Variants in ATP8A2 observed in about 807,000 individuals in gnomAD.
The protein encoded by ATP8A2 is ATPase phospholipid transporting 8A2, also known as phospholipid-transporting ATPase IB.
A neutral mutation model predicts 165.6 loss-of-function variants in ATP8A2; 100 were observed. That is an observed-to-expected ratio of 0.60 (90% CI 0.51 to 0.71). The LOEUF is 0.71. Ranked by LOEUF, ATP8A2 falls within the 30% of genes least tolerant of loss-of-function variation. ATP8A2 has a pLI of 0.00. For missense variants in ATP8A2, 1,227 were observed against 1,479.5 expected (o/e 0.83, Z 2.80); for synonymous variants, 543 against 548.8 (o/e 0.99, Z 0.15).
intron 30 of ATP8A2, among the ~76,000 whole-genome samples, chr13:25,842,587 G>A (rs1218709640): frequency 1.3e-5 from 2 of 151,938 alleles, no homozygotes; most frequent in Non-Finnish European, 1.5e-5. Flanking sequence ...CAGCAGAATC[G>A]CTTGAACCCG....
At chr13:26,003,964 C>T (rs1365636742) in intron 35 of ATP8A2, among the ~76,000 whole-genome samples, 2 of 152,098 alleles carry the variant, frequency 1.3e-5, no homozygotes, top group East Asian at 1.9e-4. Context: ...TGCCTTCAGC[C>T]TTTTTCTTAG....
chr13:25,780,367 C>T (rs2044846438), intron 27 of ATP8A2, among the ~76,000 whole-genome samples: 1 of 151,888 alleles, frequency 6.6e-6, no homozygotes, highest in Non-Finnish European at 1.5e-5. Flanking sequence ...GCAACACATA[C>T]AAGAAATTTT....
intron 13 of ATP8A2, among the ~76,000 whole-genome samples, chr13:25,558,505 A>G (rs2138099377): frequency 1.3e-5 from 2 of 152,294 alleles, no homozygotes; most frequent in South Asian, 4.1e-4. Context: ...CCTCTTCTAT[A>G]CAACAGTAAA....
At position 26,024,055 on chromosome 13, in the gene ATP8A2, TC is replaced by T. The variant is rs1367439990; in HGVS notation, c.*4073del. 2.0e-5 allele frequency: 3 copies of T among 152,128 alleles called. No individual in the cohort carries two copies. The highest frequency in any genetic ancestry group is 7.2e-5 in the African/African-American group (3 of 41,434). The allele number at this position is 152,128 out of a possible 1,614,324, so 9.4% of individuals were successfully genotyped here. On this transcript the variant is annotated 3_prime_UTR_variant, in exon 37 of 37. Coordinates refer to ENST00000381655, the MANE Select transcript of ATP8A2 (RefSeq NM_016529.6). ...CACAATGGGAACAGTTAAAACCCCC[TC>T]CCTTCAAAAAAAGAAAATCTATATC...
At chr13:25,810,533 A>T (rs1458415266) in intron 27 of ATP8A2, among the ~76,000 whole-genome samples, 1 of 152,010 alleles carries the variant, frequency 6.6e-6, no homozygotes, top group Non-Finnish European at 1.5e-5. Flanking sequence ...AAGGAAAAAA[A>T]AAACAAAACA....
Position 26,023,581 on chromosome 13 carries a change from T to G in ATP8A2, c.*3596T>G, listed in dbSNP as rs564874455. 1.3e-5 allele frequency: 2 copies of G among 152,356 alleles called. No individual in the cohort carries two copies. The highest frequency in any genetic ancestry group is 4.1e-4 in the South Asian group (2 of 4,822). The allele number at this position is 152,356 out of a possible 1,614,324, so 9.4% of individuals were successfully genotyped here. ...GTTGAATTTTTTAAAAAGAAAGTTATAGTCTGTAATTTCCATTTGTTATAA... is the reference window on the plus strand; with the variant it reads ...GTTGAATTTTTTAAAAAGAAAGTTAGAGTCTGTAATTTCCATTTGTTATAA... On this transcript the variant is annotated 3_prime_UTR_variant, in exon 37 of 37. Coordinates refer to ENST00000381655, the MANE Select transcript of ATP8A2 (RefSeq NM_016529.6).
intron 33 of ATP8A2, among the ~76,000 whole-genome samples, chr13:25,897,834 T>C (rs1314617609): frequency 1.3e-5 from 2 of 152,266 alleles, no homozygotes; most frequent in Admixed American, 6.5e-5. Context: ...CATCGGTTAC[T>C]GAGGCTTGTG....
intron 21 of ATP8A2, among the ~76,000 whole-genome samples, chr13:25,579,554 C>T (rs943878003): frequency 6.6e-6 from 1 of 152,172 alleles, no homozygotes; most frequent in Non-Finnish European, 1.5e-5. Context: ...GCTCCCGAAC[C>T]TCTCTGCCAT....
Position 25,808,598 on chromosome 13 carries a change from CA to C in ATP8A2, c.2680-19505del, listed in dbSNP as rs772182999. 5.5e-3 allele frequency among the ~76,000 whole-genome samples: 725 copies of C among 131,248 alleles called. 1 individual carries two copies. The highest frequency in any genetic ancestry group is 0.015 in the African/African-American group (519 of 35,524). The allele number at this position is 131,248 out of a possible 152,430, so 86.1% of individuals were successfully genotyped here. The stretch of plus-strand genomic sequence containing the variant: ...TGGGTGACAGAGCAAGACTCCATCT[CA>C]AAAAAAAAAAAAAATTTTTTTTTTG... On this transcript the variant is annotated intron_variant, in intron 27 of 36. Coordinates refer to ENST00000381655, the MANE Select transcript of ATP8A2 (RefSeq NM_016529.6).
chr13:25,676,844 A>G (rs572326323), intron 24 of ATP8A2, among the ~76,000 whole-genome samples: 5 of 152,322 alleles, frequency 3.3e-5, no homozygotes, highest in East Asian at 3.9e-4. Flanking sequence ...GAGTTATTCA[A>G]TAGGGAACTC....
Position 25,570,753 on chromosome 13 carries a change from C to T in ATP8A2, c.1474-14C>T, listed in dbSNP as rs756579796. The T allele has an allele frequency of 6.2e-7, 1 of 1,607,870 alleles. No homozygotes were observed. Among genetic ancestry groups the T allele is most frequent in the East Asian group, 2.2e-5 (1 of 44,810 alleles). On this transcript the variant is annotated splice_polypyrimidine_tract_variant and intron_variant, in intron 16 of 36. Coordinates refer to ENST00000381655, the MANE Select transcript of ATP8A2 (RefSeq NM_016529.6). ...GGTGTTGTATCTGACACTAATCCCG[C>T]CTCACGTTTGCAGCCCACAGCCCCT... is the stretch of plus-strand genomic sequence containing the variant.
chr13:26,011,090 C>T (rs1271643616), intron 35 of ATP8A2, among the ~76,000 whole-genome samples: 1 of 152,158 alleles, frequency 6.6e-6, no homozygotes, highest in Admixed American at 6.5e-5. Context: ...CAAGCACCTG[C>T]AGCTTCTTCT....
At chr13:25,892,670 G>A (rs1043619437) in intron 33 of ATP8A2, among the ~76,000 whole-genome samples, 2 of 151,798 alleles carry the variant, frequency 1.3e-5, no homozygotes, top group Non-Finnish European at 2.9e-5. Context: ...CATACAGTGC[G>A]ATGCTCTCCT....
intron 24 of ATP8A2, among the ~76,000 whole-genome samples, chr13:25,692,280 G>A (rs984691517): frequency 1.3e-5 from 2 of 152,228 alleles, no homozygotes; most frequent in Non-Finnish European, 2.9e-5. Flanking sequence ...TGTGGTTGAA[G>A]TGCTGCTAGT....
At chr13:26,015,589 A>C (rs1593719437) in intron 36 of ATP8A2, among the ~76,000 whole-genome samples, 1 of 151,996 alleles carries the variant, frequency 6.6e-6, no homozygotes, top group African/African-American at 2.4e-5. Flanking sequence ...TTATTCCAAA[A>C]TAATGAAAAA....
intron 2 of ATP8A2, among the ~76,000 whole-genome samples, chr13:25,524,935 C>CTTCCTTCT (rs1426893193): frequency 1.4e-4 from 15 of 111,072 alleles, no homozygotes; most frequent in African/African-American, 3.6e-4. Context: ...TCCTTCCTTC[C>CTTCCTTCT]TTCTTTCCTT....
At chr13:25,752,576 G>A (rs1422196231) in intron 25 of ATP8A2, among the ~76,000 whole-genome samples, 1 of 152,148 alleles carries the variant, frequency 6.6e-6, no homozygotes, top group Non-Finnish European at 1.5e-5. Context: ...AAAATGTATT[G>A]TTCTGGAAGA....
intron 27 of ATP8A2, among the ~76,000 whole-genome samples, chr13:25,826,490 C>A (rs910469055): frequency 6.6e-6 from 1 of 152,174 alleles, no homozygotes; most frequent in Non-Finnish European, 1.5e-5. Context: ...GTGCACAGAG[C>A]AGCATGGGGA....
chr13:25,434,331 CT>C (rs1192779464), intron 1 of ATP8A2, among the ~76,000 whole-genome samples: 2 of 151,676 alleles, frequency 1.3e-5, no homozygotes, highest in East Asian at 1.9e-4. Flanking sequence ...TTCTTATCCA[CT>C]TTTTTTCTTT....
Sources: gnomAD v4.1 joint callset for allele counts (sites outside exome capture counted in the v4.1 genomes callset) on GRCh38, gnomAD v4.1.1 for gene constraint, MANE v1.5 for transcripts, NCBI Gene and HGNC (gene_info 2026-07-23, HGNC 2026-07-21) for gene names.